RNF145: variants seen among roughly 807,000 people sequenced by gnomAD.
RNF145 encodes ring finger protein 145.
A neutral mutation model predicts 57.3 loss-of-function variants in RNF145; 12 were observed. The ratio of observed to expected loss-of-function variants is 0.21; its 90% CI spans 0.13 to 0.34. The LOEUF (loss-of-function observed/expected upper bound fraction) is 0.34, where lower values mean the gene tolerates loss of function less well. Ranked by LOEUF, RNF145 falls within the 10% of genes least tolerant of loss-of-function variation. RNF145 has a pLI of 1.00. For missense variants in RNF145, 429 were observed against 799.0 expected (o/e 0.54, Z 5.58); for synonymous variants, 262 against 288.3 (o/e 0.91, Z 0.92).
chr5:159,209,711 GC>G, upstream of RNF145: 2 of 1,058,436 alleles, frequency 1.9e-6, no homozygotes, highest in Non-Finnish European at 2.7e-6. Flanking sequence ...GCCTAGCCAA[GC>G]CCATACAGCC....
rs1187515433 is a variant in RNF145, at chr5:159,157,902, G to A, written c.*768C>T. On this transcript the variant is annotated 3_prime_UTR_variant, in exon 11 of 11. Transcript: ENST00000424310. Reference sequence around the variant, plus strand: ...CCTTCACTAAAGCAGACTCCAAAGTGTTCATCAGAGTTTTAGTTTACTTCA... The same window carrying A: ...CCTTCACTAAAGCAGACTCCAAAGTATTCATCAGAGTTTTAGTTTACTTCA... 6.5e-5 allele frequency: 10 copies of A among 152,742 alleles called. No homozygotes were observed. The East Asian group carries it at 1.9e-3, about 29-fold the overall frequency. 9.5% of individuals were successfully genotyped at this position (152,742 alleles called of 1,614,324 possible).
At chr5:159,170,793 G>GATA (rs1250191785) in intron 6 of RNF145, among the ~76,000 whole-genome samples, 2 of 152,172 alleles carry the variant, frequency 1.3e-5, no homozygotes, top group African/African-American at 4.8e-5. Flanking sequence ...GTCTTGCTAT[G>GATA]TTGCCCAAAC....
Position 159,169,759 on chromosome 5 carries a change from A to C in RNF145, c.858T>G (p.Phe286Leu). The change falls in exon 7 of 11, where the codon TTT becomes TTG. Residue 286 changes from phenylalanine (F) to leucine (L), a missense_variant. Physicochemically the swap from Phe to Leu is conservative, Grantham distance 22 (BLOSUM62 0). Around this residue, in one of 4 missense-constraint regions of RNF145, gnomAD observed 216 missense variants for 457.6 expected, o/e 0.47. Transcript: ENST00000424310. ...SLLGLVFTVS[F>L]VALGVLTLCK... ...AGAGTGTGAGAACACCCAAGGCAAC[A>C]AAAGAAACCGTGAAGACCAAACCCA... is the stretch of plus-strand genomic sequence containing the variant. The C allele has an allele frequency of 6.2e-7, 1 of 1,613,582 alleles. No individual in the cohort carries two copies. Among genetic ancestry groups the C allele is most frequent in the Non-Finnish European group, 8.5e-7 (1 of 1,179,684 alleles).
At chr5:159,187,630 C>T (rs966784643) in intron 3 of RNF145, among the ~76,000 whole-genome samples, 3 of 152,062 alleles carry the variant, frequency 2.0e-5, no homozygotes, top group Non-Finnish European at 4.4e-5. Context: ...CCCGGCCTAT[C>T]TATAGTAGTT....
intron 4 of RNF145, among the ~76,000 whole-genome samples, chr5:159,177,522 G>A (rs1288108555): frequency 6.6e-6 from 1 of 151,980 alleles, no homozygotes; most frequent in African/African-American, 2.4e-5. Context: ...AGAACACCCT[G>A]GGGTACACTG....
intron 5 of RNF145, among the ~76,000 whole-genome samples, chr5:159,175,394 T>A (rs768888950): frequency 2.0e-5 from 3 of 152,142 alleles, no homozygotes; most frequent in Non-Finnish European, 4.4e-5. Context: ...TACATCTAGT[T>A]GATGTATGAA....
chr5:159,158,460 T>G lies in RNF145; in HGVS notation c.*210A>C. The G allele has an allele frequency of 1.7e-6, 1 of 589,380 alleles. No individual in the cohort carries two copies. The highest frequency in any genetic ancestry group is 2.9e-6 in the Non-Finnish European group (1 of 339,018). 36.5% of individuals were successfully genotyped at this position (589,380 alleles called of 1,614,324 possible). The stretch of plus-strand genomic sequence containing the variant: ...CATCAGCAGAGAACATATAAATACA[T>G]TTTGATTAGCATACATTGCAAAATT... On this transcript the variant is annotated 3_prime_UTR_variant, in exon 11 of 11. Transcript: ENST00000424310.
At chr5:159,162,774 T>G (rs1055709405) in intron 9 of RNF145, among the ~76,000 whole-genome samples, 158 bp downstream of exon 9, 2 of 152,196 alleles carry the variant, frequency 1.3e-5, no homozygotes, top group African/African-American at 4.8e-5. Context: ...CTAACTCCTG[T>G]GCTCAAATAA....
chr5:159,166,453 C>G (rs1338850266), intron 8 of RNF145, among the ~76,000 whole-genome samples: 22 of 152,182 alleles, frequency 1.4e-4, no homozygotes, highest in Admixed American at 1.4e-3. Context: ...GAAATCTTTT[C>G]CTACTCAAAA....
At chr5:159,209,896 C>A, upstream of RNF145, 1 of 1,536,078 alleles carries the variant, frequency 6.5e-7, no homozygotes, top group Non-Finnish European at 8.7e-7. Context: ...GATCCTGTCC[C>A]GGTGCATTCG....
intron 1 of RNF145, chr5:159,208,186 C>T: frequency 7.4e-7 from 1 of 1,355,812 alleles, no homozygotes; most frequent in Non-Finnish European, 9.5e-7. Flanking sequence ...ACCCAGCTCG[C>T]GGCAAGCAGG....
chr5:159,200,506 A>G (rs987958989), intron 2 of RNF145, among the ~76,000 whole-genome samples: 1 of 152,194 alleles, frequency 6.6e-6, no homozygotes, highest in Non-Finnish European at 1.5e-5. Context: ...AATTATACCT[A>G]TAACACACTA....
At chr5:159,175,426 A>G (rs1466247946) in intron 5 of RNF145, among the ~76,000 whole-genome samples, 1 of 152,170 alleles carries the variant, frequency 6.6e-6, no homozygotes, top group Non-Finnish European at 1.5e-5. Flanking sequence ...CCAACTAAAC[A>G]TGACATTAAA....
intron 1 of RNF145, among the ~76,000 whole-genome samples, chr5:159,204,826 A>AT (rs1323446881): frequency 1.3e-5 from 2 of 149,686 alleles, no homozygotes; most frequent in African/African-American, 4.9e-5. Flanking sequence ...AAAAAAAAAA[A>AT]AGCAAACAAA....
intron 1 of RNF145, among the ~76,000 whole-genome samples, chr5:159,204,591 G>C (rs1785801795): frequency 6.6e-6 from 1 of 152,076 alleles, no homozygotes; most frequent in Admixed American, 6.5e-5. Context: ...AGATCATGAG[G>C]TCACGAGTTC....
chr5:159,175,070 T>C (rs1291575774), intron 5 of RNF145, among the ~76,000 whole-genome samples: 2 of 152,186 alleles, frequency 1.3e-5, no homozygotes, highest in Admixed American at 6.5e-5. Flanking sequence ...TAAACATCTT[T>C]AAGTATTAAG....
Position 159,169,716 on chromosome 5 carries a change from C to G in RNF145, c.901G>C (p.Gly301Arg). 6.2e-7 allele frequency: 1 copy of G among 1,611,598 alleles called. No individual in the cohort carries two copies. The highest frequency in any genetic ancestry group is 8.5e-7 in the Non-Finnish European group (1 of 1,178,986). ...GGATCATTCATGAAAGCTCGATAAC[C>G]CTGCAAGTAAAACTTGCAGAGTGTG... Reference protein sequence around the residue: ...VLTLCKFYLQGYRAFMNDPAM... With the variant: ...VLTLCKFYLQRYRAFMNDPAM... The change falls in exon 7 of 11, where the codon GGT becomes CGT. Residue 301 changes from glycine to arginine, a missense_variant. This residue lies in a region of RNF145 where 216 missense variants were observed against 457.6 expected (regional missense o/e 0.47). Coordinates refer to ENST00000424310, the MANE Select transcript of RNF145 (RefSeq NM_001199383.2).
At chr5:159,163,194 C>T in intron 8 of RNF145, 115 bp from the exon 9 acceptor site, 1 of 935,182 alleles carries the variant, frequency 1.1e-6, no homozygotes. Context: ...TCCCACTGAA[C>T]ACCCTTCTCC....
intron 5 of RNF145, among the ~76,000 whole-genome samples, chr5:159,175,714 G>C (rs533701864): frequency 1.3e-5 from 2 of 152,248 alleles, no homozygotes; most frequent in South Asian, 4.1e-4. Flanking sequence ...GACGAAGATA[G>C]AATCAGGCTA....
Sources: gnomAD v4.1 joint callset for allele counts (sites outside exome capture counted in the v4.1 genomes callset) on GRCh38, gnomAD v4.1.1 for gene constraint, gnomAD v4.1.1 regional missense constraint, MANE v1.5 for transcripts, NCBI Gene and HGNC (gene_info 2026-07-23, HGNC 2026-07-21) for gene names.